Variants in CFAP69 observed in about 807,000 individuals in gnomAD.
The protein encoded by CFAP69 is cilia and flagella associated protein 69.
In CFAP69, 92 loss-of-function variants were observed where a neutral mutation model predicts 123.0. That is an observed-to-expected ratio of 0.75 (90% CI 0.63 to 0.89). CFAP69 has a LOEUF of 0.89. Among genes scored for constraint, CFAP69 ranks in the 40% least tolerant of loss-of-function variants. The pLI is 0.00. For missense variants in CFAP69, 1,067 were observed against 1,096.9 expected, an observed-to-expected ratio of 0.97 and a Z score of 0.39; for synonymous variants, 380 against 364.3, an observed-to-expected ratio of 1.04 and a Z score of -0.49.
chr7:90,264,665 G>T (rs1798880587), intron 4 of CFAP69, among the ~76,000 whole-genome samples: 1 of 151,988 alleles, frequency 6.6e-6, no homozygotes, highest in African/African-American at 2.4e-5. Context: ...GAGAAAGAGG[G>T]TTCCTAAGTT....
chr7:90,249,253 T>C (rs1271557638), intron 1 of CFAP69, among the ~76,000 whole-genome samples: 2 of 152,178 alleles, frequency 1.3e-5, no homozygotes, highest in Non-Finnish European at 2.9e-5. Context: ...TTGCTCTCTC[T>C]CTCTCTGTCT....
chr7:90,307,866 A>C lies in CFAP69; in HGVS notation c.2550+12A>C. ...CTAAAACGTTAAAGGTAGGATTTTTAATGTATTATAGTATCCACAACAAAT... is the reference window on the plus strand; with the variant it reads ...CTAAAACGTTAAAGGTAGGATTTTTCATGTATTATAGTATCCACAACAAAT... On this transcript the variant is annotated intron_variant, in intron 21 of 22. Transcript: ENST00000389297. The C allele has an allele frequency of 6.4e-7, 1 of 1,555,956 alleles. No homozygotes were observed. The highest frequency in any genetic ancestry group is 1.1e-5 in the South Asian group (1 of 87,792).
At chr7:90,251,313 G>A (rs1408352197) in intron 1 of CFAP69, among the ~76,000 whole-genome samples, 1 of 152,144 alleles carries the variant, frequency 6.6e-6, no homozygotes, top group African/African-American at 2.4e-5. Flanking sequence ...GCTGACATGG[G>A]AAAGCTAGAG....
chr7:90,300,689 C>T (rs1419895458), intron 17 of CFAP69: 13 of 218,904 alleles, frequency 5.9e-5, no homozygotes, highest in Non-Finnish European at 9.1e-5. Context: ...TCACTCAGGT[C>T]ACCCAGACTG....
At position 90,268,390 on chromosome 7, in the gene CFAP69, G is replaced by A. The variant is rs1799457432; in HGVS notation, c.532+6G>A. 2 of 1,578,006 alleles carry A rather than the reference G, an allele frequency of 1.3e-6. No homozygotes were observed. Among genetic ancestry groups the A allele is most frequent in the African/African-American group, 1.3e-5 (1 of 74,178 alleles). On this transcript the variant is annotated splice_donor_region_variant and intron_variant, in intron 6 of 22. Transcript: ENST00000389297. ...ACCAAAGAAGCATATTCCAGGTGAAGTTTACAATGGTCTTTCAGTGATAAC... is the reference window on the plus strand; with the variant it reads ...ACCAAAGAAGCATATTCCAGGTGAAATTTACAATGGTCTTTCAGTGATAAC...
At chr7:90,300,594 A>T (rs538063162) in intron 17 of CFAP69, 192 of 409,512 alleles carry the variant, frequency 4.7e-4, no homozygotes, top group Admixed American at 6.4e-4. Flanking sequence ...TTACAGTATC[A>T]TAATTTTTAG....
intron 15 of CFAP69, among the ~76,000 whole-genome samples, chr7:90,296,619 C>G (rs1792019024): frequency 6.6e-6 from 1 of 152,104 alleles, no homozygotes; most frequent in Non-Finnish European, 1.5e-5. Context: ...GACCACCACA[C>G]CCAGCCTGAG....
chr7:90,261,873 C>A, intron 3 of CFAP69, 74 bp from the exon 4 acceptor site: 1 of 744,720 alleles, frequency 1.3e-6, no homozygotes, highest in Non-Finnish European at 2.0e-6. Context: ...AGACTTTCTT[C>A]ACAGAAATAC....
intron 11 of CFAP69, among the ~76,000 whole-genome samples, chr7:90,279,055 A>T (rs1370368093): frequency 6.6e-6 from 1 of 152,170 alleles, no homozygotes; most frequent in Admixed American, 6.5e-5. Flanking sequence ...ATAGCTATGC[A>T]TTTTAATCTC....
intron 15 of CFAP69, among the ~76,000 whole-genome samples, chr7:90,294,737 C>A (rs568309981): frequency 2.0e-4 from 31 of 152,308 alleles, no homozygotes; most frequent in African/African-American, 7.2e-4. Flanking sequence ...TCCTAAGGTA[C>A]CCCTCTTTAT....
chr7:90,279,933 T>A, intron 12 of CFAP69, 40 bp downstream of exon 12: 1 of 1,469,498 alleles, frequency 6.8e-7, no homozygotes, highest in Non-Finnish European at 9.1e-7. Flanking sequence ...ATTCTAATCT[T>A]CATATTTCAA....
intron 12 of CFAP69, 79 bp from the exon 13 acceptor site, chr7:90,282,813 T>C (rs1033599630): frequency 1.7e-6 from 2 of 1,164,278 alleles, no homozygotes; most frequent in African/African-American, 3.2e-5. Flanking sequence ...GTTTAAACTT[T>C]TGATAGATGT....
At position 90,277,440 on chromosome 7, in the gene CFAP69, A is replaced by G. The variant is rs116263625; in HGVS notation, c.1155+106A>G. ...TATTTTATCGGTTCATATATTTACC[A>G]CAGAAAGCAGTAAAATCTTACTGGC... On this transcript the variant is annotated intron_variant, in intron 11 of 22. Coordinates refer to ENST00000389297, the MANE Select transcript of CFAP69 (RefSeq NM_001039706.3). The G allele has an allele frequency of 2.1e-3, 2,041 of 987,786 alleles. 34 individuals carry two copies. In the African/African-American group the frequency reaches 0.031, roughly 15 times the overall value. 61.2% of individuals were successfully genotyped at this position (987,786 alleles called of 1,614,324 possible).
intron 6 of CFAP69, among the ~76,000 whole-genome samples, chr7:90,269,184 T>C (rs977588493): frequency 3.3e-5 from 5 of 151,722 alleles, no homozygotes; most frequent in Admixed American, 2.6e-4. Flanking sequence ...ATAAGGAGAT[T>C]ATTAAATGTC....
Position 90,304,770 on chromosome 7 carries a change from G to T in CFAP69, c.2215G>T (p.Ala739Ser). Residue 739 changes from alanine (A) to serine (S), a missense_variant, in exon 19 of 23, where the codon GCT becomes TCT. Physicochemically the swap from Ala to Ser is moderately conservative, Grantham distance 99 (BLOSUM62 1). Coordinates refer to ENST00000389297, the MANE Select transcript of CFAP69 (RefSeq NM_001039706.3). ...LDFENLPGLS[A>S]EDFVTLCIIH... Reference sequence around the variant, plus strand: ...TTTTGAAAATTTACCTGGCCTATCTGCTGAAGATTTTGTCACCCTTTGTAT... The same window carrying T: ...TTTTGAAAATTTACCTGGCCTATCTTCTGAAGATTTTGTCACCCTTTGTAT... 6.3e-7 allele frequency: 1 copy of T among 1,597,004 alleles called. No homozygotes were observed. Among genetic ancestry groups the T allele is most frequent in the Non-Finnish European group, 8.5e-7 (1 of 1,169,620 alleles).
intron 15 of CFAP69, among the ~76,000 whole-genome samples, chr7:90,295,332 G>A (rs146583006): frequency 1.3e-5 from 2 of 152,030 alleles, no homozygotes; most frequent in Non-Finnish European, 2.9e-5. Context: ...TAATAAGAGG[G>A]GCTTTTAACC....
the CFAP69 span, chr7:90,321,033 G>A: frequency 2.0e-4 from 30 of 152,268 alleles, no homozygotes; most frequent in African/African-American, 5.8e-4. Flanking sequence ...GAGGAGGACG[G>A]GGCGCCTCCT....
At chr7:90,296,623 G>A (rs17865171) in intron 15 of CFAP69, among the ~76,000 whole-genome samples, 71 of 152,222 alleles carry the variant, frequency 4.7e-4, no homozygotes, top group African/African-American at 1.7e-3. Context: ...ACCACACCCA[G>A]CCTGAGGCAC....
intron 9 of CFAP69, among the ~76,000 whole-genome samples, chr7:90,274,644 A>T (rs1246221624): frequency 3.9e-5 from 6 of 152,072 alleles, no homozygotes; most frequent in Non-Finnish European, 5.9e-5. Context: ...TCCATGGTGT[A>T]ATGGTGAGCA....
Sources: gnomAD v4.1 joint callset for allele counts (sites outside exome capture counted in the v4.1 genomes callset) on GRCh38, gnomAD v4.1.1 for gene constraint, MANE v1.5 for transcripts, NCBI Gene and HGNC (gene_info 2026-07-23, HGNC 2026-07-21) for gene names.